ESRRG: variants seen among roughly 807,000 people sequenced by gnomAD.
ESRRG encodes estrogen related receptor gamma.
ESRRG carries 13 observed loss-of-function variants against 44.0 expected under a neutral mutation model. The ratio of observed to expected loss-of-function variants is 0.30; its 90% CI spans 0.19 to 0.47. The LOEUF (loss-of-function observed/expected upper bound fraction) is 0.47, where lower values mean the gene tolerates loss of function less well. Among genes scored for constraint, ESRRG ranks in the 20% least tolerant of loss-of-function variants. The pLI is 1.00. For missense variants in ESRRG, 395 were observed against 580.6 expected (o/e 0.68, Z 3.29); for synonymous variants, 215 against 214.6 (o/e 1.00, Z -0.02).
chr1:216,915,190 G>A lies in ESRRG; in HGVS notation c.-14+24392C>T, dbSNP rs2060991809. On this transcript the variant is annotated intron_variant, in intron 2 of 7. Transcript: ENST00000359162. ...CATGAATTGCAGCACACATTCTGTG[G>A]TTACTAGTTACCCAGGAAGCTTCTG... 5.3e-5 allele frequency among the ~76,000 whole-genome samples: 8 copies of A among 152,134 alleles called. 1 individual carries two copies. In the South Asian group the frequency reaches 1.7e-3, roughly 32 times the overall value.
Position 216,570,861 on chromosome 1 carries a change from C to T in ESRRG, c.590-2763G>A, listed in dbSNP as rs116361499. Among the ~76,000 whole-genome samples the T allele has an allele frequency of 9.4e-3, 1,437 of 152,272 alleles. 7 individuals carry two copies. The highest frequency in any genetic ancestry group is 0.015 in the Non-Finnish European group (1,024 of 68,016). ...AGACTCCCTAAACTTGCTTTTCATG[C>T]TTGTCAAGGAATGTATTCACTGTTA... On this transcript the variant is annotated intron_variant, in intron 3 of 6. Transcript: ENST00000408911.
chr1:217,130,914 G>T (rs1354576374), intron 1 of ESRRG, among the ~76,000 whole-genome samples: 1 of 151,782 alleles, frequency 6.6e-6, no homozygotes, highest in Non-Finnish European at 1.5e-5. Context: ...CTATTAAGAC[G>T]TTAGCAATAA....
Position 216,628,988 on chromosome 1 carries a change from C to T in ESRRG, c.589+21985G>A, listed in dbSNP as rs554624568. 3.5e-4 allele frequency among the ~76,000 whole-genome samples: 53 copies of T among 152,308 alleles called. No homozygotes were observed. In the South Asian group the frequency reaches 0.011, roughly 31 times the overall value. On this transcript the variant is annotated intron_variant, in intron 3 of 6. Transcript: ENST00000408911. ...CTGACCTCTCCACTTGGAATATCTG[C>T]TCTCTTTCCCTCCACCCTTCACGAG...
chr1:216,714,086 T>C (rs1237864175), intron 1 of ESRRG, among the ~76,000 whole-genome samples: 2 of 152,224 alleles, frequency 1.3e-5, no homozygotes, highest in African/African-American at 4.8e-5. Context: ...CATAGGTTTT[T>C]CTGCTGTAAC....
intron 3 of ESRRG, among the ~76,000 whole-genome samples, chr1:216,591,473 C>T (rs2057655454): frequency 2.0e-5 from 3 of 152,136 alleles, no homozygotes; most frequent in Admixed American, 2.0e-4. Context: ...GTACTGGATA[C>T]CCAGTTGGTG....
At position 216,648,179 on chromosome 1, in the gene ESRRG, C is replaced by A. The variant is rs111534618; in HGVS notation, c.589+2794G>T. On this transcript the variant is annotated intron_variant, in intron 3 of 6. Coordinates refer to ENST00000408911, the MANE Select transcript of ESRRG (RefSeq NM_001438.4). ...CCAGGCTTAGAAAGCAAGTCTTGAG[C>A]CAAGGAGATGGCCAAACATAATTGT... Among the ~76,000 whole-genome samples the A allele has an allele frequency of 9.4e-3, 1,433 of 152,202 alleles. 26 individuals carry two copies. Among genetic ancestry groups the A allele is most frequent in the African/African-American group, 0.033 (1,359 of 41,528 alleles).
At chr1:216,992,156 C>T (rs1369158793) in intron 1 of ESRRG, among the ~76,000 whole-genome samples, 1 of 152,216 alleles carries the variant, frequency 6.6e-6, no homozygotes, top group Non-Finnish European at 1.5e-5. Flanking sequence ...ATCACACATC[C>T]TAAACCACAC....
chr1:216,904,942 A>G (rs1294136097), intron 2 of ESRRG, among the ~76,000 whole-genome samples: 3 of 152,224 alleles, frequency 2.0e-5, no homozygotes, highest in African/African-American at 7.2e-5. Context: ...GGCCCAGTGC[A>G]GATAGGGCAG....
intron 1 of ESRRG, among the ~76,000 whole-genome samples, chr1:216,953,400 T>C (rs1237545559): frequency 6.6e-6 from 1 of 152,180 alleles, no homozygotes; most frequent in Non-Finnish European, 1.5e-5. Flanking sequence ...TTCTTAGTAA[T>C]GCAATAGAGC....
chr1:217,119,044 T>C (rs865985948), intron 1 of ESRRG, among the ~76,000 whole-genome samples: 4 of 139,078 alleles, frequency 2.9e-5, no homozygotes, highest in African/African-American at 7.9e-5. Flanking sequence ...GATAGATAGA[T>C]AGATAGAGAC....
chr1:217,071,792 G>T (rs2090595915), intron 1 of ESRRG, among the ~76,000 whole-genome samples: 1 of 152,114 alleles, frequency 6.6e-6, no homozygotes, highest in African/African-American at 2.4e-5. Context: ...GATGAAGTGG[G>T]TATAACTATT....
At chr1:216,996,867 A>G (rs2076433887) in intron 1 of ESRRG, among the ~76,000 whole-genome samples, 1 of 152,168 alleles carries the variant, frequency 6.6e-6, no homozygotes, top group East Asian at 1.9e-4. Context: ...CCCCAATGAG[A>G]CTGCAAAAGA....
At chr1:216,640,452 G>A (rs989946668) in intron 3 of ESRRG, among the ~76,000 whole-genome samples, 2 of 151,268 alleles carry the variant, frequency 1.3e-5, no homozygotes, top group Non-Finnish European at 2.9e-5. Context: ...TTGCCTTAGG[G>A]AAGCTGGTTG....
At chr1:216,545,042 A>T (rs1017510980) in intron 5 of ESRRG, among the ~76,000 whole-genome samples, 3 of 151,806 alleles carry the variant, frequency 2.0e-5, no homozygotes, top group African/African-American at 7.3e-5. Context: ...ATGATTTTTT[A>T]AAATGTACCC....
intron 1 of ESRRG, among the ~76,000 whole-genome samples, chr1:216,981,690 TAA>T (rs1426873626): frequency 6.7e-6 from 1 of 148,218 alleles, no homozygotes; most frequent in African/African-American, 2.4e-5. Flanking sequence ...GTGTTGAACC[TAA>T]AGAGTTAAAC....
At chr1:216,916,073 C>G (rs2061128139) in intron 2 of ESRRG, among the ~76,000 whole-genome samples, 1 of 152,078 alleles carries the variant, frequency 6.6e-6, no homozygotes, top group Admixed American at 6.6e-5. Flanking sequence ...CTCTCCTCTC[C>G]CTTTCAGCCC....
At chr1:216,645,251 A>T (rs978366214) in intron 3 of ESRRG, among the ~76,000 whole-genome samples, 2 of 152,136 alleles carry the variant, frequency 1.3e-5, no homozygotes, top group African/African-American at 4.8e-5. Flanking sequence ...TTCAGTTAAG[A>T]CAAAATTCAC....
chr1:216,947,988 T>C (rs1171766226), intron 1 of ESRRG, among the ~76,000 whole-genome samples: 1 of 152,172 alleles, frequency 6.6e-6, no homozygotes, highest in Admixed American at 6.5e-5. Context: ...ATGCTGTGTA[T>C]TGAGGTCAGA....
At chr1:216,940,149 G>GA (rs918327097) in intron 1 of ESRRG, among the ~76,000 whole-genome samples, 1 of 151,998 alleles carries the variant, frequency 6.6e-6, no homozygotes, top group Non-Finnish European at 1.5e-5. Flanking sequence ...CTGATCTTCA[G>GA]AAAAAAACAC....
Sources: gnomAD v4.1 joint callset for allele counts (sites outside exome capture counted in the v4.1 genomes callset) on GRCh38, gnomAD v4.1.1 for gene constraint, MANE v1.5 for transcripts, NCBI Gene and HGNC (gene_info 2026-07-23, HGNC 2026-07-21) for gene names.